ITPK1: variants seen among roughly 807,000 people sequenced by gnomAD.
ITPK1 encodes the protein inositol-tetrakisphosphate 1-kinase.
A neutral mutation model predicts 45.3 loss-of-function variants in ITPK1; 21 were observed. That is an observed-to-expected ratio of 0.46 (90% CI 0.33 to 0.67). The LOEUF (loss-of-function observed/expected upper bound fraction) is 0.67, where lower values mean the gene tolerates loss of function less well. Among genes scored for constraint, ITPK1 ranks in the 30% least tolerant of loss-of-function variants. The pLI, the probability that ITPK1 is intolerant of heterozygous loss-of-function variation, is 0.02. For synonymous variants in ITPK1, 258 were observed against 253.6 expected, an observed-to-expected ratio of 1.02 and a Z score of -0.16; for missense variants, 474 against 573.5, an observed-to-expected ratio of 0.83 and a Z score of 1.77.
chr14:93,062,414 A>G (rs2749507), intron 3 of ITPK1, among the ~76,000 whole-genome samples: 51,278 of 151,876 alleles, frequency 0.34, 9,294 homozygotes, highest in East Asian at 0.53. Context: ...TGAGTGACAG[A>G]GCAAAACCCC....
At chr14:92,947,338 A>G (rs1353601989) in intron 9 of ITPK1, among the ~76,000 whole-genome samples, 1 of 152,124 alleles carries the variant, frequency 6.6e-6, no homozygotes, top group Non-Finnish European at 1.5e-5. Context: ...TCTCCCTCCC[A>G]GCCCGGCACT....
intron 5 of ITPK1, among the ~76,000 whole-genome samples, chr14:92,980,897 A>G (rs1161793168): frequency 6.6e-6 from 1 of 152,114 alleles, no homozygotes; most frequent in Non-Finnish European, 1.5e-5. Context: ...TAGTAGAAAC[A>G]AGGTTTCACT....
chr14:93,088,341 G>GTTTTTTTTTTTTT (rs1179019290), intron 2 of ITPK1, among the ~76,000 whole-genome samples: 2 of 132,722 alleles, frequency 1.5e-5, no homozygotes, highest in African/African-American at 5.6e-5. Flanking sequence ...GTTTTGTTTT[G>GTTTTTTTTTTTTT]TTTTTTTTTT....
At chr14:92,980,614 G>C (rs1036469730) in intron 5 of ITPK1, among the ~76,000 whole-genome samples, 1 of 152,170 alleles carries the variant, frequency 6.6e-6, no homozygotes, top group Non-Finnish European at 1.5e-5. Context: ...CTGGGATTTG[G>C]CCCAGGCTGG....
At chr14:92,962,277 T>G in intron 7 of ITPK1, 78 bp downstream of exon 7, 1 of 1,057,828 alleles carries the variant, frequency 9.5e-7, no homozygotes. Flanking sequence ...CAGTGAGGAA[T>G]CCGGCAGGGT....
chr14:92,964,234 C>T (rs955477389), intron 5 of ITPK1, among the ~76,000 whole-genome samples: 1 of 152,182 alleles, frequency 6.6e-6, no homozygotes, highest in African/African-American at 2.4e-5. Context: ...TTTCCTGAGC[C>T]CCTGGCAGAC....
chr14:93,053,677 G>A (rs1222924118), intron 3 of ITPK1, among the ~76,000 whole-genome samples: 1 of 152,214 alleles, frequency 6.6e-6, no homozygotes, highest in East Asian at 1.9e-4. Flanking sequence ...TTCACTGATT[G>A]TAGCAAATGT....
Position 92,941,481 on chromosome 14 carries a change from G to C in ITPK1, c.*80C>G. ...ATCAGATCACTGGGGATTCTTAGTAGTAGCATCGCCGTTGGGAGCTGCTGG... is the reference window on the plus strand; with the variant it reads ...ATCAGATCACTGGGGATTCTTAGTACTAGCATCGCCGTTGGGAGCTGCTGG... On this transcript the variant is annotated 3_prime_UTR_variant, in exon 11 of 11. Coordinates refer to ENST00000267615, the MANE Select transcript of ITPK1 (RefSeq NM_014216.6). The C allele has an allele frequency of 2.8e-6, 4 of 1,442,284 alleles. No individual in the cohort carries two copies. The highest frequency in any genetic ancestry group is 3.6e-6 in the Non-Finnish European group (4 of 1,105,404). The allele number at this position is 1,442,284 out of a possible 1,614,324, so 89.3% of individuals were successfully genotyped here.
At chr14:92,943,170 C>T (rs1887516904) in intron 10 of ITPK1, among the ~76,000 whole-genome samples, 1 of 152,280 alleles carries the variant, frequency 6.6e-6, no homozygotes, top group Non-Finnish European at 1.5e-5. Context: ...AACATCCTCT[C>T]GCCTAATCTT....
intron 3 of ITPK1, among the ~76,000 whole-genome samples, chr14:93,021,008 C>A (rs924154165): frequency 6.6e-6 from 1 of 152,136 alleles, no homozygotes; most frequent in African/African-American, 2.4e-5. Flanking sequence ...TTAGCAGTAC[C>A]TAGCCAGTGA....
intron 7 of ITPK1, among the ~76,000 whole-genome samples, chr14:92,959,261 G>A (rs1028062669): frequency 2.0e-5 from 3 of 152,212 alleles, no homozygotes; most frequent in Non-Finnish European, 4.4e-5. Flanking sequence ...CTGGTGCCAG[G>A]GTCATGGCTA....
intron 5 of ITPK1, among the ~76,000 whole-genome samples, chr14:92,983,524 T>C (rs902295068): frequency 3.6e-4 from 55 of 152,086 alleles, no homozygotes; most frequent in African/African-American, 9.7e-5. Context: ...AACTAAAAAA[T>C]AGGCAAACAA....
chr14:93,005,979 C>G (rs1595130273), intron 4 of ITPK1, among the ~76,000 whole-genome samples: 1 of 152,298 alleles, frequency 6.6e-6, no homozygotes, highest in Admixed American at 6.5e-5. Flanking sequence ...GCGAGGAAGA[C>G]TGTCTCTGTT....
At chr14:93,086,274 C>T (rs111697897) in intron 2 of ITPK1, among the ~76,000 whole-genome samples, 5,991 of 152,258 alleles carry the variant, frequency 0.039, 216 homozygotes, top group African/African-American at 0.099. Context: ...CAGCCTGTGT[C>T]CTGGATGCTG....
intron 3 of ITPK1, among the ~76,000 whole-genome samples, chr14:93,061,515 G>T (rs1049790330): frequency 6.6e-6 from 1 of 152,200 alleles, no homozygotes; most frequent in Admixed American, 6.5e-5. Context: ...GAGAAAGGAG[G>T]GGAGGGAGGG....
At chr14:93,029,838 A>C (rs1396092117) in intron 3 of ITPK1, among the ~76,000 whole-genome samples, 1 of 152,180 alleles carries the variant, frequency 6.6e-6, no homozygotes. Context: ...GAGAGTGGAC[A>C]AGGCAAGGGT....
At chr14:93,011,196 C>T (rs1887884795) in intron 4 of ITPK1, among the ~76,000 whole-genome samples, 1 of 152,238 alleles carries the variant, frequency 6.6e-6, no homozygotes, top group African/African-American at 2.4e-5. Context: ...ACTGCCTTCT[C>T]ATCCCTCTGC....
At chr14:93,037,135 T>C (rs1889359567) in intron 3 of ITPK1, among the ~76,000 whole-genome samples, 1 of 152,202 alleles carries the variant, frequency 6.6e-6, no homozygotes, top group South Asian at 2.1e-4. Context: ...TCCCAATCCC[T>C]GGGGCCTACA....
intron 4 of ITPK1, among the ~76,000 whole-genome samples, chr14:92,995,579 G>A (rs1161655292): frequency 2.6e-5 from 4 of 152,206 alleles, no homozygotes; most frequent in East Asian, 1.9e-4. Flanking sequence ...TCTGGCCTCA[G>A]TGGTGGCCGG....
Sources: gnomAD v4.1 joint callset for allele counts (sites outside exome capture counted in the v4.1 genomes callset) on GRCh38, gnomAD v4.1.1 for gene constraint, MANE v1.5 for transcripts, NCBI Gene and HGNC (gene_info 2026-07-23, HGNC 2026-07-21) for gene names.